Variants in ECT2L observed in about 807,000 individuals in gnomAD.
ECT2L encodes the protein epithelial cell transforming 2 like, also known as epithelial cell-transforming sequence 2 oncogene-like.
A neutral mutation model predicts 122.8 loss-of-function variants in ECT2L; 126 were observed. The ratio of observed to expected loss-of-function variants is 1.03; its 90% CI spans 0.89 to 1.19. ECT2L has a LOEUF of 1.19. Among genes scored for constraint, ECT2L ranks in the 50% most tolerant of loss-of-function variants. The pLI, the probability that ECT2L is intolerant of heterozygous loss-of-function variation, is 0.00. For missense variants in ECT2L, 1,012 were observed against 1,064.1 expected (o/e 0.95, Z 0.68); for synonymous variants, 385 against 381.8 (o/e 1.01, Z -0.10).
chr6:138,885,008 A>T lies in ECT2L; in HGVS notation c.2029-498A>T, dbSNP rs537183795. On this transcript the variant is annotated intron_variant, in intron 16 of 21. Coordinates refer to ENST00000541398, the MANE Select transcript of ECT2L (RefSeq NM_001077706.3). ...AATGAATAGGGTCAGGTCTATGTAT[A>T]ATTAACACACATTCTTTTTTTTTTT... Among the ~76,000 whole-genome samples the T allele has an allele frequency of 4.9e-4, 74 of 150,546 alleles. 1 individual carries two copies. Among genetic ancestry groups the T allele is most frequent in the Non-Finnish European group, 2.1e-4 (14 of 67,770 alleles).
At chr6:138,814,933 T>C (rs968452910) in intron 4 of ECT2L, among the ~76,000 whole-genome samples, 7 of 152,238 alleles carry the variant, frequency 4.6e-5, no homozygotes, top group South Asian at 2.1e-4. Context: ...TGCAAATGGA[T>C]GTCTGGGACA....
intron 9 of ECT2L, 41 bp downstream of exon 9, chr6:138,849,475 G>A (rs370197861): frequency 1.6e-4 from 245 of 1,565,632 alleles, no homozygotes; most frequent in African/African-American, 4.1e-4. Flanking sequence ...ATGGAACTTC[G>A]CGCTGTGCAC....
intron 8 of ECT2L, among the ~76,000 whole-genome samples, chr6:138,848,308 TTC>T (rs1241809027): frequency 6.6e-6 from 1 of 152,168 alleles, no homozygotes; most frequent in Non-Finnish European, 1.5e-5. Flanking sequence ...ACTTTAAAAC[TTC>T]TCTGAAATTC....
rs1420083051 is a variant in ECT2L at position 138,813,169 on chromosome 6, T to C, written c.-103-3T>C. ...AGGACATTAACATATTGGTTATTTC[T>C]AGGTGATCTTAATTGCACACCTATT... is the stretch of plus-strand genomic sequence containing the variant. On this transcript the variant is annotated splice_region_variant and splice_polypyrimidine_tract_variant and intron_variant, in intron 2 of 21. Transcript: ENST00000541398. 7.2e-6 allele frequency: 5 copies of C among 695,394 alleles called. No individual in the cohort carries two copies. Among genetic ancestry groups the C allele is most frequent in the Middle Eastern group, 2.4e-4 (1 of 4,140 alleles). The allele number at this position is 695,394 out of a possible 1,614,324, so 43.1% of individuals were successfully genotyped here.
At position 138,813,312 on chromosome 6, in the gene ECT2L, CT is replaced by C; in HGVS notation, c.42del (p.Phe14LeufsTer6). ...SFHTRFSAWTPFSNKSLNRQL... is the reference protein window; with the variant it reads ...SFHTRFSAWTXFSNKSLNRQL... Reference sequence around the variant, plus strand: ...CACACCAGATTTAGTGCCTGGACACCTTTTAGCAACAAGTCATTAAATAGAC... The same window carrying C: ...CACACCAGATTTAGTGCCTGGACACCTTTAGCAACAAGTCATTAAATAGAC... On this transcript the variant is annotated frameshift_variant, in exon 3 of 22. Coordinates refer to ENST00000541398, the MANE Select transcript of ECT2L (RefSeq NM_001077706.3). LOFTEE classifies it high-confidence loss of function. The C allele has an allele frequency of 6.2e-7, 1 of 1,611,960 alleles. No homozygotes were observed. Among genetic ancestry groups the C allele is most frequent in the Non-Finnish European group, 8.5e-7 (1 of 1,179,496 alleles).
chr6:138,849,878 G>T (rs1017663823), intron 9 of ECT2L, among the ~76,000 whole-genome samples: 1 of 152,058 alleles, frequency 6.6e-6, no homozygotes, highest in Non-Finnish European at 1.5e-5. Flanking sequence ...TTTGATGACC[G>T]TTTTTTCAAA....
intron 4 of ECT2L, among the ~76,000 whole-genome samples, chr6:138,829,173 C>T (rs774874556): frequency 6.6e-6 from 1 of 152,042 alleles, no homozygotes; most frequent in East Asian, 1.9e-4. Flanking sequence ...CTAATAATTT[C>T]TTTTCTTTCT....
At chr6:138,884,688 T>A (rs1477161987) in intron 16 of ECT2L, among the ~76,000 whole-genome samples, 2 of 152,070 alleles carry the variant, frequency 1.3e-5, no homozygotes, top group Non-Finnish European at 2.9e-5. Flanking sequence ...AATACCTGTA[T>A]AATAAATATT....
Position 138,885,702 on chromosome 6 carries a change from C to G in ECT2L, c.2131C>G (p.Arg711Gly). ...GCCAGAGCTGCTGCTGTACCCATCC[C>G]GAAGATTTGAAGAATACCTTAATCT... ...SLPELLLYPS[R>G]RFEEYLNLLY... Residue 711 changes from arginine to glycine, a missense_variant, in exon 18 of 22, where the codon CGA (arginine) becomes GGA (glycine). Coordinates refer to ENST00000541398, the MANE Select transcript of ECT2L (RefSeq NM_001077706.3). 3 of 1,614,106 alleles carry G rather than the reference C, an allele frequency of 1.9e-6. No individual in the cohort carries two copies. Among genetic ancestry groups the G allele is most frequent in the Non-Finnish European group, 2.5e-6 (3 of 1,180,012 alleles).
chr6:138,865,330 A>C, intron 12 of ECT2L, 152 bp downstream of exon 12: 1 of 564,990 alleles, frequency 1.8e-6, no homozygotes. Flanking sequence ...CGGCCTTTCA[A>C]ATATAACGAA....
intron 20 of ECT2L, among the ~76,000 whole-genome samples, chr6:138,894,561 C>T (rs985994126): frequency 9.2e-5 from 14 of 152,222 alleles, no homozygotes; most frequent in South Asian, 4.2e-4. Context: ...AAAAATTTAC[C>T]AGGCCCAGAG....
intron 20 of ECT2L, among the ~76,000 whole-genome samples, chr6:138,896,729 C>A (rs1006758563): frequency 6.6e-6 from 1 of 152,104 alleles, no homozygotes; most frequent in Non-Finnish European, 1.5e-5. Context: ...CTCACTGCAA[C>A]CTCCGCCTCC....
At chr6:138,901,493 T>C (rs1215246523) in intron 21 of ECT2L, among the ~76,000 whole-genome samples, 1 of 152,192 alleles carries the variant, frequency 6.6e-6, no homozygotes, top group Non-Finnish European at 1.5e-5. Flanking sequence ...TCTATTACTT[T>C]CCCATTCTAC....
At chr6:138,825,840 T>C (rs767130089) in intron 4 of ECT2L, among the ~76,000 whole-genome samples, 14 of 152,204 alleles carry the variant, frequency 9.2e-5, no homozygotes, top group Non-Finnish European at 1.8e-4. Context: ...TCATTTCCTT[T>C]ATATCCCAAG....
chr6:138,854,100 G>C lies in ECT2L; in HGVS notation c.1144G>C (p.Ala382Pro), dbSNP rs561406616. The change falls in exon 10 of 22, where the codon GCC becomes CCC. Residue 382 changes from alanine to proline, a missense_variant. Coordinates refer to ENST00000541398, the MANE Select transcript of ECT2L (RefSeq NM_001077706.3). ...CTGGGAGAAATTAGGAAGCTATGTGGCCACTGAAGAAGAAGGGGGTCACGT... is the reference window on the plus strand; with the variant it reads ...CTGGGAGAAATTAGGAAGCTATGTGCCCACTGAAGAAGAAGGGGGTCACGT... ...DFWEKLGSYV[A>P]TEEEGGHVDF... 3 of 1,614,120 alleles carry C rather than the reference G, an allele frequency of 1.9e-6. No homozygotes were observed. The African/African-American group carries it at 4.0e-5, about 22-fold the overall frequency.
At chr6:138,811,283 T>C (rs759709929) in intron 1 of ECT2L, among the ~76,000 whole-genome samples, 5 of 152,140 alleles carry the variant, frequency 3.3e-5, no homozygotes, top group Non-Finnish European at 7.4e-5. Context: ...CAGTCTTCAG[T>C]CCAACAGAGC....
intron 4 of ECT2L, among the ~76,000 whole-genome samples, chr6:138,820,062 C>G (rs1178009857): frequency 6.6e-6 from 1 of 152,160 alleles, no homozygotes; most frequent in Admixed American, 6.5e-5. Context: ...CCCAGCCAAG[C>G]CATTCCACAT....
At chr6:138,847,537 AT>A (rs777070599) in intron 8 of ECT2L, among the ~76,000 whole-genome samples, 2,332 of 123,806 alleles carry the variant, frequency 0.019, 20 homozygotes, top group Non-Finnish European at 0.025. Context: ...TGCCCGGCTA[AT>A]TTTTTTTTTT....
At chr6:138,867,271 A>G (rs1047221543) in intron 12 of ECT2L, among the ~76,000 whole-genome samples, 3 of 152,176 alleles carry the variant, frequency 2.0e-5, no homozygotes, top group African/African-American at 7.2e-5. Context: ...GGCACTTTTT[A>G]TAGACTAGAC....
Sources: gnomAD v4.1 joint callset for allele counts (sites outside exome capture counted in the v4.1 genomes callset) on GRCh38, gnomAD v4.1.1 for gene constraint, MANE v1.5 for transcripts, NCBI Gene and HGNC (gene_info 2026-07-23, HGNC 2026-07-21) for gene names.